The following SMIM41 variants were observed in gnomAD, a reference collection of about 807,000 sequenced individuals.
The protein encoded by SMIM41 is small integral membrane protein 41.
chr12:52,083,254 G>T (rs187433210), intron 1 of SMIM41, among the ~76,000 whole-genome samples: 11 of 152,034 alleles, frequency 7.2e-5, no homozygotes, highest in African/African-American at 2.6e-4. Flanking sequence ...GACAGTGACC[G>T]GCCCCTGCTG....
intron 2 of SMIM41, among the ~76,000 whole-genome samples, chr12:52,106,770 A>G (rs1940348153): frequency 6.6e-6 from 1 of 152,254 alleles, no homozygotes; most frequent in African/African-American, 2.4e-5. Flanking sequence ...GTCAGAAAAC[A>G]TAATGATGAA....
chr12:52,086,125 T>C (rs1939888267), intron 2 of SMIM41, among the ~76,000 whole-genome samples: 1 of 151,954 alleles, frequency 6.6e-6, no homozygotes, highest in Non-Finnish European at 1.5e-5. Flanking sequence ...TGCTCAGGGA[T>C]GGGGGAGGGA....
chr12:52,087,024 A>G (rs377235483), intron 2 of SMIM41, among the ~76,000 whole-genome samples: 10 of 152,230 alleles, frequency 6.6e-5, no homozygotes, highest in African/African-American at 2.2e-4. Flanking sequence ...ACGGGGTCCC[A>G]CTGCCTGGCC....
chr12:52,100,936 G>A (rs974829356), intron 2 of SMIM41, among the ~76,000 whole-genome samples: 3 of 152,050 alleles, frequency 2.0e-5, no homozygotes, highest in Non-Finnish European at 4.4e-5. Context: ...AAAAATATTT[G>A]CTTTTTAGAA....
At chr12:52,082,434 G>A (rs924505431) in intron 1 of SMIM41, among the ~76,000 whole-genome samples, 8 of 152,188 alleles carry the variant, frequency 5.3e-5, no homozygotes, top group Non-Finnish European at 8.8e-5. Flanking sequence ...AGGGCAGGGC[G>A]TGGGGTGTGC....
At chr12:52,080,562 C>G (rs1196439438) in intron 1 of SMIM41, among the ~76,000 whole-genome samples, 1 of 152,152 alleles carries the variant, frequency 6.6e-6, no homozygotes, top group Non-Finnish European at 1.5e-5. Context: ...GGGCTTCTTC[C>G]CTAGCCCCCA....
chr12:52,085,378 C>A (rs184497909), intron 2 of SMIM41, among the ~76,000 whole-genome samples: 18 of 152,188 alleles, frequency 1.2e-4, no homozygotes, highest in African/African-American at 4.3e-4. Context: ...GGCCCTGAAC[C>A]TCTCTGTGGC....
chr12:52,102,218 C>A (rs1265376905), intron 2 of SMIM41, among the ~76,000 whole-genome samples: 1 of 152,170 alleles, frequency 6.6e-6, no homozygotes, highest in Non-Finnish European at 1.5e-5. Context: ...ACACCAGGTG[C>A]AAAAATTAAC....
chr12:52,080,600 C>T (rs1939804003), intron 1 of SMIM41, among the ~76,000 whole-genome samples: 3 of 152,182 alleles, frequency 2.0e-5, no homozygotes, highest in African/African-American at 7.2e-5. Flanking sequence ...TGCATCTGCC[C>T]CAGCCCCTAT....
chr12:52,090,378 C>T (rs1013705204), intron 2 of SMIM41, among the ~76,000 whole-genome samples: 2 of 146,822 alleles, frequency 1.4e-5, no homozygotes, highest in Non-Finnish European at 3.0e-5. Context: ...CCACTGTGCC[C>T]GGCCAAGAAA....
chr12:52,080,355 A>C (rs1205660981), intron 1 of SMIM41, among the ~76,000 whole-genome samples, 174 bp downstream of exon 1: 1 of 151,984 alleles, frequency 6.6e-6, no homozygotes, highest in East Asian at 1.9e-4. Context: ...GCTGCAGCCC[A>C]CCCAGGTGTG....
intron 2 of SMIM41, among the ~76,000 whole-genome samples, chr12:52,103,385 A>G (rs1389744643): frequency 1.3e-5 from 2 of 150,546 alleles, no homozygotes; most frequent in Admixed American, 1.3e-4. Context: ...AAAAAACAAA[A>G]CAGACAGGCA....
At chr12:52,097,028 G>C (rs61915193) in intron 2 of SMIM41, among the ~76,000 whole-genome samples, 1 of 152,082 alleles carries the variant, frequency 6.6e-6, no homozygotes, top group Non-Finnish European at 1.5e-5. Flanking sequence ...AATATCCAAA[G>C]GTGGAGAGGA....
At chr12:52,080,420 C>A (rs1272897407) in intron 1 of SMIM41, among the ~76,000 whole-genome samples, 1 of 152,180 alleles carries the variant, frequency 6.6e-6, no homozygotes, top group Non-Finnish European at 1.5e-5. Flanking sequence ...AGCTCTGGCC[C>A]CCTCCTCCCA....
chr12:52,084,385 C>A (rs1368532696), intron 2 of SMIM41, among the ~76,000 whole-genome samples: 30 of 22,476 alleles, frequency 1.3e-3, no homozygotes, highest in African/African-American at 4.3e-3. Context: ...AAAAAAAAAA[C>A]AAACAAAAAA....
At chr12:52,085,158 T>A (rs1159897085) in intron 2 of SMIM41, among the ~76,000 whole-genome samples, 1 of 152,180 alleles carries the variant, frequency 6.6e-6, no homozygotes, top group Non-Finnish European at 1.5e-5. Flanking sequence ...CCCATGTAAC[T>A]GAAAAGTCTA....
intron 2 of SMIM41, chr12:52,087,440 T>TCAGCCTGGCCTC (rs1319781990): frequency 6.5e-6 from 1 of 152,838 alleles, no homozygotes; most frequent in African/African-American, 2.4e-5. Flanking sequence ...TCCATCCTCT[T>TCAGCCTGGCCTC]CAGCCTGGCC....
chr12:52,096,652 G>T (rs1940101969), intron 2 of SMIM41, among the ~76,000 whole-genome samples: 1 of 151,366 alleles, frequency 6.6e-6, no homozygotes, highest in Non-Finnish European at 1.5e-5. Context: ...TTAATATCAG[G>T]CGTTATTAAT....
chr12:52,099,235 GC>G (rs1940166677), intron 2 of SMIM41, among the ~76,000 whole-genome samples: 2 of 151,668 alleles, frequency 1.3e-5, no homozygotes, highest in African/African-American at 4.8e-5. Flanking sequence ...ATCATCCTGT[GC>G]CCCCTGGATG....
Sources: allele counts gnomAD v4.1 joint callset (sites outside exome capture counted in the v4.1 genomes callset), GRCh38; gene constraint gnomAD v4.1.1; transcripts MANE v1.5; gene names NCBI Gene and HGNC (gene_info 2026-07-23, HGNC 2026-07-21).